Variants in CORO2A observed in about 807,000 individuals in gnomAD.
CORO2A encodes coronin-2A.
CORO2A carries 47 observed loss-of-function variants against 62.4 expected under a neutral mutation model. The observed-to-expected ratio is 0.75, with a 90% CI of 0.60 to 0.96. The LOEUF is 0.96. Ranked by LOEUF, CORO2A falls within the 40% of genes least tolerant of loss-of-function variation. CORO2A has a pLI of 0.00. For synonymous variants in CORO2A, 273 were observed against 268.9 expected (o/e 1.02, Z -0.15); for missense variants, 610 against 684.1 (o/e 0.89, Z 1.21).
At chr9:98,177,016 G>A (rs1015722638) in intron 1 of CORO2A, among the ~76,000 whole-genome samples, 1 of 152,170 alleles carries the variant, frequency 6.6e-6, no homozygotes, top group African/African-American at 2.4e-5. Flanking sequence ...TTTGTGGAGG[G>A]ACAAATTCCA....
chr9:98,170,209 T>C (rs1399290191), intron 1 of CORO2A, among the ~76,000 whole-genome samples: 1 of 152,052 alleles, frequency 6.6e-6, no homozygotes, highest in African/African-American at 2.4e-5. Flanking sequence ...TCTTCCTTCC[T>C]CCCCCACCAA....
intron 2 of CORO2A, among the ~76,000 whole-genome samples, chr9:98,140,333 A>T (rs1827548470): frequency 6.6e-6 from 1 of 152,132 alleles, no homozygotes; most frequent in Non-Finnish European, 1.5e-5. Context: ...CAGAATCAAT[A>T]GTCTTGGGAT....
chr9:98,133,948 GGT>G (rs1367462716), intron 4 of CORO2A, among the ~76,000 whole-genome samples: 6 of 151,492 alleles, frequency 4.0e-5, no homozygotes, highest in Non-Finnish European at 7.4e-5. Flanking sequence ...GTAGAGATGG[GGT>G]CTCACTATGT....
intron 6 of CORO2A, 53 bp downstream of exon 6, chr9:98,132,132 G>T (rs980770257): frequency 4.5e-6 from 6 of 1,320,052 alleles, no homozygotes; most frequent in Non-Finnish European, 5.5e-6. Flanking sequence ...ATGAATGAAT[G>T]ACACTGGCTC....
intron 2 of CORO2A, 81 bp from the exon 3 acceptor site, chr9:98,137,769 C>T: frequency 9.8e-7 from 1 of 1,018,218 alleles, no homozygotes; most frequent in Non-Finnish European, 1.6e-6. Context: ...CAGTTAGCAA[C>T]CAGTCAACAG....
chr9:98,138,768 G>A (rs1410783377), intron 2 of CORO2A, among the ~76,000 whole-genome samples: 3 of 152,106 alleles, frequency 2.0e-5, no homozygotes, highest in Admixed American at 2.0e-4. Context: ...TGCAGAACGG[G>A]CTGGGCGCGG....
intron 2 of CORO2A, among the ~76,000 whole-genome samples, chr9:98,143,771 G>A (rs1266557549): frequency 2.0e-5 from 3 of 152,182 alleles, no homozygotes; most frequent in Non-Finnish European, 2.9e-5. Flanking sequence ...AAACTGTTCT[G>A]CATGGGGACT....
intron 1 of CORO2A, among the ~76,000 whole-genome samples, chr9:98,182,029 A>G (rs1828183780): frequency 1.3e-5 from 2 of 152,050 alleles, no homozygotes; most frequent in Admixed American, 6.6e-5. Context: ...AGCCTTTTGC[A>G]GTGACCCCGG....
At chr9:98,186,684 C>T (rs192698214) in intron 1 of CORO2A, among the ~76,000 whole-genome samples, 9 of 152,162 alleles carry the variant, frequency 5.9e-5, no homozygotes, top group East Asian at 3.9e-4. Flanking sequence ...CATTTTAAAA[C>T]GGGAGAAATA....
intron 7 of CORO2A, 57 bp from the exon 8 acceptor site, chr9:98,129,947 C>G: frequency 1.5e-6 from 2 of 1,354,632 alleles, no homozygotes; most frequent in Non-Finnish European, 1.1e-6. Flanking sequence ...CTCATCAGCT[C>G]ATCAGCAACC....
intron 1 of CORO2A, among the ~76,000 whole-genome samples, chr9:98,187,208 G>A (rs895286434): frequency 6.7e-6 from 1 of 150,224 alleles, no homozygotes; most frequent in Non-Finnish European, 1.5e-5. Flanking sequence ...GCATGAACCC[G>A]GGAGGTGGAG....
rs1026501864 is a variant in CORO2A at position 98,183,852 on chromosome 9, T to C, written c.-1+8707A>G. On this transcript the variant is annotated intron_variant, in intron 1 of 11. Transcript: ENST00000375077. ...AGTGCATGCCTGTGATCCCAGCTAC[T>C]TGGGAGGCTGAGGCACAAGAATCAC... Among the ~76,000 whole-genome samples the C allele has an allele frequency of 2.6e-5, 4 of 152,154 alleles. No homozygotes were observed. The East Asian group carries it at 5.8e-4, about 22-fold the overall frequency.
Position 98,133,033 on chromosome 9 carries a change from C to T in CORO2A, c.648+5G>A. The T allele has an allele frequency of 5.6e-6, 9 of 1,614,074 alleles. No homozygotes were observed. The highest frequency in any genetic ancestry group is 7.6e-6 in the Non-Finnish European group (9 of 1,179,938). ...GCCTGAGCCAGCCCCTGGCCCAGAA[C>T]TGACCTGGAGGACGGTCCCTGCTCG... On this transcript the variant is annotated splice_donor_5th_base_variant and intron_variant, in intron 5 of 11. Coordinates refer to ENST00000375077, the MANE Select transcript of CORO2A (RefSeq NM_052820.4).
intron 1 of CORO2A, among the ~76,000 whole-genome samples, chr9:98,170,444 T>G (rs1035827250): frequency 6.6e-6 from 1 of 152,148 alleles, no homozygotes; most frequent in Non-Finnish European, 1.5e-5. Flanking sequence ...AATTCTTTTA[T>G]TGTTGTTGTT....
intron 1 of CORO2A, among the ~76,000 whole-genome samples, chr9:98,177,468 T>TC (rs1476610142): frequency 7.3e-6 from 1 of 136,816 alleles, no homozygotes; most frequent in East Asian, 2.2e-4. Flanking sequence ...TTTTTTTTTT[T>TC]TTTTTTTTTT....
chr9:98,125,360 A>C (rs554867250), intron 11 of CORO2A, among the ~76,000 whole-genome samples: 3 of 152,192 alleles, frequency 2.0e-5, no homozygotes, highest in African/African-American at 7.2e-5. Flanking sequence ...TGACACCCCT[A>C]TAAGGGTGGC....
chr9:98,142,305 G>T (rs910352024), intron 2 of CORO2A, among the ~76,000 whole-genome samples: 10 of 152,230 alleles, frequency 6.6e-5, no homozygotes, highest in African/African-American at 2.4e-4. Flanking sequence ...CACTGCAAAG[G>T]TGAGGGGCAG....
chr9:98,132,597 A>C (rs1244802066), intron 5 of CORO2A, among the ~76,000 whole-genome samples: 1 of 152,328 alleles, frequency 6.6e-6, no homozygotes, highest in East Asian at 1.9e-4. Context: ...AGGGGCGGGC[A>C]CTGTCACCTG....
chr9:98,138,086 A>T (rs1827513008), intron 2 of CORO2A, among the ~76,000 whole-genome samples: 1 of 152,114 alleles, frequency 6.6e-6, no homozygotes, highest in South Asian at 2.1e-4. Flanking sequence ...TTCCCACATG[A>T]CCCAGCAATT....
Sources: allele counts gnomAD v4.1 joint callset (sites outside exome capture counted in the v4.1 genomes callset), GRCh38; gene constraint gnomAD v4.1.1; transcripts MANE v1.5; gene names NCBI Gene and HGNC (gene_info 2026-07-23, HGNC 2026-07-21).